Variants in BZW2 observed in about 807,000 individuals in gnomAD.
The protein encoded by BZW2 is basic leucine zipper and W2 domains 2.
A neutral mutation model predicts 53.2 loss-of-function variants in BZW2; 23 were observed. The observed-to-expected ratio is 0.43, with a 90% CI of 0.31 to 0.61. The LOEUF is 0.61. Among genes scored for constraint, BZW2 ranks in the 20% least tolerant of loss-of-function variants. The probability of loss-of-function intolerance (pLI) is 0.09; values close to 1 mark genes in which losing one functional copy is unlikely to be tolerated. For synonymous variants in BZW2, 227 were observed against 186.4 expected (o/e 1.22, Z -1.77); for missense variants, 409 against 503.1 (o/e 0.81, Z 1.79).
chr7:16,674,613 G>A (rs762074973), intron 3 of BZW2, 25 bp downstream of exon 3: 6 of 1,508,598 alleles, frequency 4.0e-6, no homozygotes, highest in South Asian at 2.8e-5. Context: ...ATCGCTTCTT[G>A]TAGTATATTT....
intron 10 of BZW2, among the ~76,000 whole-genome samples, chr7:16,703,096 C>A (rs752110170): frequency 6.6e-6 from 1 of 152,148 alleles, no homozygotes; most frequent in Non-Finnish European, 1.5e-5. Flanking sequence ...TGCTCCTCAG[C>A]TCTATGACAA....
chr7:16,694,781 C>T, intron 7 of BZW2, 53 bp from the exon 8 acceptor site: 1 of 1,382,620 alleles, frequency 7.2e-7, no homozygotes, highest in East Asian at 2.3e-5. Flanking sequence ...GTCCTTTATG[C>T]TTGCTGAAAT....
chr7:16,654,704 GTTT>G (rs34037406), intron 1 of BZW2, among the ~76,000 whole-genome samples: 2 of 141,320 alleles, frequency 1.4e-5, no homozygotes, highest in Non-Finnish European at 3.1e-5. Flanking sequence ...CTGGCTAATT[GTTT>G]TTTTTTTTTT....
chr7:16,695,721 C>G (rs1352746203), intron 8 of BZW2: 1 of 151,634 alleles, frequency 6.6e-6, no homozygotes, highest in African/African-American at 2.4e-5. Context: ...TTCTTTTTTT[C>G]CACGTGCTCT....
chr7:16,667,213 T>A (rs1782456694), intron 2 of BZW2, among the ~76,000 whole-genome samples: 1 of 145,520 alleles, frequency 6.9e-6, no homozygotes, highest in African/African-American at 2.6e-5. Flanking sequence ...AACCCAGGAT[T>A]GGGAGGTCAG....
intron 8 of BZW2, chr7:16,695,931 A>C (rs1783469110): frequency 6.6e-6 from 1 of 152,210 alleles, no homozygotes; most frequent in African/African-American, 2.4e-5. Flanking sequence ...ATTATTTTCC[A>C]TGGGGAAAAG....
intron 8 of BZW2, among the ~76,000 whole-genome samples, chr7:16,696,359 C>A (rs1046589950): frequency 6.6e-6 from 1 of 152,248 alleles, no homozygotes; most frequent in Middle Eastern, 3.4e-3. Flanking sequence ...TTGCTGAATA[C>A]TGCTGAATTG....
rs1287510948 is a variant in BZW2, at chr7:16,706,098, C to T, written c.*10C>T. ...AGGTGAGGAAAATTAAATGGCTCAA[C>T]AAGCACAATACCTAGGTTACCACAC... On this transcript the variant is annotated 3_prime_UTR_variant, in exon 12 of 12. Transcript: ENST00000258761. The T allele has an allele frequency of 6.2e-7, 1 of 1,612,910 alleles. No homozygotes were observed. Among genetic ancestry groups the T allele is most frequent in the African/African-American group, 1.3e-5 (1 of 74,796 alleles).
At chr7:16,667,798 C>T (rs749977141) in intron 2 of BZW2, among the ~76,000 whole-genome samples, 5 of 152,080 alleles carry the variant, frequency 3.3e-5, no homozygotes, top group African/African-American at 4.8e-5. Context: ...CATTTCTGGC[C>T]TATCCGCATG....
At chr7:16,703,060 G>A (rs1562500268) in intron 10 of BZW2, among the ~76,000 whole-genome samples, 1 of 152,106 alleles carries the variant, frequency 6.6e-6, no homozygotes, top group Non-Finnish European at 1.5e-5. Flanking sequence ...CACAATAACA[G>A]GTCACTTCCT....
chr7:16,703,477 T>C (rs950330226), intron 10 of BZW2, among the ~76,000 whole-genome samples: 1 of 152,184 alleles, frequency 6.6e-6, no homozygotes, highest in Non-Finnish European at 1.5e-5. Flanking sequence ...AATATTAAAT[T>C]GTTTCTGTCA....
At position 16,696,906 on chromosome 7, in the gene BZW2, G is replaced by C. The variant is rs1443457416; in HGVS notation, c.823-9G>C. 3.7e-6 allele frequency: 6 copies of C among 1,613,904 alleles called. No individual in the cohort carries two copies. The Admixed American group carries it at 8.3e-5, about 22-fold the overall frequency. ...TGTTACTTTCTGACCCCATTTCCAT[G>C]TAATGTAGGTGGTGCTTTATGTCAA... is the stretch of plus-strand genomic sequence containing the variant. On this transcript the variant is annotated splice_polypyrimidine_tract_variant and intron_variant, in intron 8 of 11. Coordinates refer to ENST00000258761, the MANE Select transcript of BZW2 (RefSeq NM_014038.3).
chr7:16,702,345 T>A (rs1415148687), intron 10 of BZW2, among the ~76,000 whole-genome samples: 1 of 151,880 alleles, frequency 6.6e-6, no homozygotes, highest in Admixed American at 6.6e-5. Context: ...AATTAATAAT[T>A]CTCTGGTACT....
At chr7:16,678,869 A>T (rs572971748) in intron 3 of BZW2, among the ~76,000 whole-genome samples, 1 of 152,232 alleles carries the variant, frequency 6.6e-6, no homozygotes, top group African/African-American at 2.4e-5. Flanking sequence ...GCAAGTTTTT[A>T]TTAGCGATTT....
intron 1 of BZW2, among the ~76,000 whole-genome samples, chr7:16,652,065 C>T (rs1178511784): frequency 6.6e-6 from 1 of 152,230 alleles, no homozygotes; most frequent in East Asian, 1.9e-4. Flanking sequence ...TGTACATAAG[C>T]TCCAGATGGG....
At chr7:16,682,749 AC>A in intron 4 of BZW2, 30 bp from the exon 5 acceptor site, 1 of 1,443,462 alleles carries the variant, frequency 6.9e-7, no homozygotes, top group Non-Finnish European at 9.4e-7. Flanking sequence ...TTTTTGGTTG[AC>A]CTAATATTTA....
chr7:16,683,060 G>T lies in BZW2; in HGVS notation c.405+215G>T, dbSNP rs573252872. 6.6e-5 allele frequency among the ~76,000 whole-genome samples: 10 copies of T among 152,186 alleles called. No individual in the cohort carries two copies. In the East Asian group the frequency reaches 1.9e-3, roughly 29 times the overall value. Reference sequence around the variant, plus strand: ...AAAACACAAAAATTACCCGGGCATGGTGGCATGCACCTGTAATCCCAGCTA... The same window carrying T: ...AAAACACAAAAATTACCCGGGCATGTTGGCATGCACCTGTAATCCCAGCTA... On this transcript the variant is annotated intron_variant, in intron 5 of 11. Transcript: ENST00000258761.
At chr7:16,697,881 C>G (rs1783548957) in intron 9 of BZW2, 167 bp from the exon 10 acceptor site, 1 of 736,760 alleles carries the variant, frequency 1.4e-6, no homozygotes, top group Non-Finnish European at 2.2e-6. Context: ...TTTGTTCCTA[C>G]TGTTCTGTTC....
Position 16,670,768 on chromosome 7 carries a change from T to A in BZW2, c.59-3644T>A, listed in dbSNP as rs181274818. 4.3e-4 allele frequency among the ~76,000 whole-genome samples: 65 copies of A among 152,284 alleles called. 1 individual carries two copies. Among genetic ancestry groups the A allele is most frequent in the Non-Finnish European group, 4.3e-4 (29 of 68,012 alleles). ...CCTCCCCCTCTACACAACAAGACCCTAATTATATTTTTTCTGCAGTCACCA... is the reference window on the plus strand; with the variant it reads ...CCTCCCCCTCTACACAACAAGACCCAAATTATATTTTTTCTGCAGTCACCA... On this transcript the variant is annotated intron_variant, in intron 2 of 11. Coordinates refer to ENST00000258761, the MANE Select transcript of BZW2 (RefSeq NM_014038.3).
Sources: gnomAD v4.1 joint callset for allele counts (sites outside exome capture counted in the v4.1 genomes callset) on GRCh38, gnomAD v4.1.1 for gene constraint, MANE v1.5 for transcripts, NCBI Gene and HGNC (gene_info 2026-07-23, HGNC 2026-07-21) for gene names.